Variants in ANKRD17 observed in about 807,000 individuals in gnomAD.
ANKRD17 encodes the protein ankyrin repeat domain-containing protein 17.
ANKRD17 carries 19 observed loss-of-function variants against 229.7 expected under a neutral mutation model. The ratio of observed to expected loss-of-function variants is 0.08; its 90% CI spans 0.06 to 0.12. The LOEUF (loss-of-function observed/expected upper bound fraction) is 0.12. ANKRD17 is among the 10% of genes least tolerant of loss of function. The pLI is 1.00. For missense variants in ANKRD17, 2,176 were observed against 3,176.8 expected, an observed-to-expected ratio of 0.68 and a Z score of 7.57; for synonymous variants, 1,112 against 1,146.1, an observed-to-expected ratio of 0.97 and a Z score of 0.60.
intron 1 of ANKRD17, among the ~76,000 whole-genome samples, chr4:73,254,884 T>C (rs1478596570): frequency 6.6e-6 from 1 of 152,188 alleles, no homozygotes; most frequent in Non-Finnish European, 1.5e-5. Flanking sequence ...AATTATAAGA[T>C]TTTTTTCTTG....
At chr4:73,103,069 T>C (rs1432626885) in intron 24 of ANKRD17, among the ~76,000 whole-genome samples, 6 of 152,032 alleles carry the variant, frequency 3.9e-5, no homozygotes, top group African/African-American at 1.4e-4. Flanking sequence ...AAATTGATTA[T>C]AATGGCAATA....
intron 1 of ANKRD17, among the ~76,000 whole-genome samples, chr4:73,228,467 A>G (rs1275059324): frequency 2.0e-5 from 3 of 152,182 alleles, no homozygotes; most frequent in Non-Finnish European, 2.9e-5. Flanking sequence ...ATACATGTAC[A>G]TGGAAAGCAT....
At chr4:73,219,799 A>G (rs376155087) in intron 1 of ANKRD17, among the ~76,000 whole-genome samples, 5 of 152,298 alleles carry the variant, frequency 3.3e-5, no homozygotes, top group African/African-American at 1.2e-4. Context: ...ACTTAACAAT[A>G]TAAACATTTT....
intron 28 of ANKRD17, among the ~76,000 whole-genome samples, chr4:73,093,670 A>G (rs7694865): frequency 0.98 from 148,690 of 152,204 alleles, 72,714 homozygotes; most frequent in East Asian, 1. Context: ...CACCGTGCCC[A>G]GCCCAAGAAC....
At chr4:73,123,608 GTTC>G (rs1249964365) in intron 18 of ANKRD17, among the ~76,000 whole-genome samples, 7 of 151,942 alleles carry the variant, frequency 4.6e-5, no homozygotes, top group African/African-American at 1.7e-4. Flanking sequence ...ATAGATTTCA[GTTC>G]TTTTTAATTT....
At chr4:73,189,979 G>A (rs1306401006) in intron 1 of ANKRD17, among the ~76,000 whole-genome samples, 1 of 152,080 alleles carries the variant, frequency 6.6e-6, no homozygotes. Context: ...AGGTAAAAAA[G>A]AATATGTATC....
chr4:73,076,408 GA>G, intron 33 of ANKRD17, 118 bp from the exon 34 acceptor site: 7 of 630,144 alleles, frequency 1.1e-5, no homozygotes, highest in South Asian at 6.0e-5. Context: ...GGAACTAATG[GA>G]AAAAAATGAT....
intron 24 of ANKRD17, among the ~76,000 whole-genome samples, chr4:73,104,697 G>A (rs891421290): frequency 1.3e-5 from 2 of 150,982 alleles, no homozygotes; most frequent in African/African-American, 4.9e-5. Flanking sequence ...CATTTTGCTG[G>A]AATTTTGTAC....
chr4:73,122,900 G>A (rs1726942653), intron 18 of ANKRD17, among the ~76,000 whole-genome samples: 1 of 151,966 alleles, frequency 6.6e-6, no homozygotes. Flanking sequence ...TTCTTTCAGA[G>A]AACTCTTCTG....
intron 7 of ANKRD17, among the ~76,000 whole-genome samples, chr4:73,151,187 T>C (rs1053163340): frequency 6.6e-6 from 1 of 152,188 alleles, no homozygotes; most frequent in African/African-American, 2.4e-5. Flanking sequence ...TATTTTCCTA[T>C]TTCATATCCT....
chr4:73,156,628 G>C (rs1405801126), intron 3 of ANKRD17, among the ~76,000 whole-genome samples: 2 of 150,928 alleles, frequency 1.3e-5, no homozygotes, highest in African/African-American at 4.9e-5. Context: ...TACCCACTTT[G>C]CTCTCTCTCT....
chr4:73,204,358 CAAAAAA>C (rs374000000), intron 1 of ANKRD17, among the ~76,000 whole-genome samples: 3 of 59,146 alleles, frequency 5.1e-5, no homozygotes, highest in South Asian at 7.3e-4. Flanking sequence ...GAGACTCCGT[CAAAAAA>C]AAAAAAAAAA....
intron 19 of ANKRD17, 145 bp downstream of exon 19, chr4:73,121,472 G>C: frequency 1.1e-6 from 1 of 927,008 alleles, no homozygotes; most frequent in Non-Finnish European, 1.7e-6. Context: ...CTTAAATAAA[G>C]TTCATCTCAA....
chr4:73,107,500 G>C (rs1168414450), intron 24 of ANKRD17, among the ~76,000 whole-genome samples: 3 of 152,172 alleles, frequency 2.0e-5, no homozygotes, highest in African/African-American at 7.2e-5. Flanking sequence ...TTGTTAAAAG[G>C]TGATAAGTGC....
At chr4:73,163,680 A>AG (rs1414007601) in intron 2 of ANKRD17, among the ~76,000 whole-genome samples, 3 of 152,332 alleles carry the variant, frequency 2.0e-5, no homozygotes, top group Admixed American at 2.0e-4. Flanking sequence ...TAGATTAAGC[A>AG]CCGAGTTAGA....
intron 12 of ANKRD17, 62 bp from the exon 13 acceptor site, chr4:73,142,447 A>G: frequency 3.2e-6 from 5 of 1,578,286 alleles, no homozygotes; most frequent in Non-Finnish European, 3.4e-6. Context: ...TTACAGAATC[A>G]CTTAGGAAGA....
At chr4:73,246,440 T>C (rs1207152233) in intron 1 of ANKRD17, among the ~76,000 whole-genome samples, 2 of 152,192 alleles carry the variant, frequency 1.3e-5, no homozygotes, top group African/African-American at 4.8e-5. Context: ...TGGAGCTGTA[T>C]GTAGTAACTG....
chr4:73,149,386 A>G (rs899563824), intron 7 of ANKRD17, among the ~76,000 whole-genome samples: 16 of 152,234 alleles, frequency 1.1e-4, no homozygotes, highest in Non-Finnish European at 2.9e-5. Context: ...TTAAATGTTA[A>G]AAGGATAAAG....
chr4:73,112,810 C>T lies in ANKRD17; in HGVS notation c.4401+982G>A, dbSNP rs192148333. On this transcript the variant is annotated intron_variant, in intron 24 of 33. Transcript: ENST00000358602. ...AAAAAATTTTATTTATTTTTTGAGA[C>T]GGAGTCTCACTCTGTTGCCCAGGCT... 3.2e-3 allele frequency: 2,010 copies of T among 623,958 alleles called. 4 individuals carry two copies. The highest frequency in any genetic ancestry group is 7.1e-3 in the South Asian group (99 of 13,882). The allele number at this position is 623,958 out of a possible 1,614,324, so 38.7% of individuals were successfully genotyped here. A position where few individuals can be genotyped will look rare whatever the true frequency, so the allele number is the denominator to read the frequency against.
Sources: gnomAD v4.1 joint callset for allele counts (sites outside exome capture counted in the v4.1 genomes callset) on GRCh38, gnomAD v4.1.1 for gene constraint, MANE v1.5 for transcripts, NCBI Gene and HGNC (gene_info 2026-07-23, HGNC 2026-07-21) for gene names.